SMURF1: variants seen among roughly 807,000 people sequenced by gnomAD.
SMURF1 encodes the protein E3 ubiquitin-protein ligase SMURF1.
SMURF1 carries 44 observed loss-of-function variants against 98.0 expected under a neutral mutation model. That is an observed-to-expected ratio of 0.45 (90% confidence interval 0.35 to 0.58). SMURF1 has a LOEUF of 0.58. SMURF1 is among the 20% of genes least tolerant of loss of function. The pLI, the probability that SMURF1 is intolerant of heterozygous loss-of-function variation, is 0.00. For missense variants in SMURF1, 687 were observed against 938.4 expected, an observed-to-expected ratio of 0.73 and a Z score of 3.50; for synonymous variants, 396 against 374.9, an observed-to-expected ratio of 1.06 and a Z score of -0.65.
At chr7:99,134,944 G>A (rs1044199238) in intron 1 of SMURF1, among the ~76,000 whole-genome samples, 9 of 152,122 alleles carry the variant, frequency 5.9e-5, no homozygotes, top group South Asian at 2.1e-4. Flanking sequence ...CAGGCAACTC[G>A]CTATTACATA....
At position 99,143,815 on chromosome 7, in the gene SMURF1, G is replaced by C. The variant is rs777548828; in HGVS notation, c.-35C>G. ...ACGATCGGGCAGCCGCGGATCCAGC[G>C]CCACCGCCCCCCAGCCCGGCCCGGC... On this transcript the variant is annotated 5_prime_UTR_variant, in exon 1 of 18. Coordinates refer to ENST00000361368, the MANE Select transcript of SMURF1 (RefSeq NM_181349.3). The C allele has an allele frequency of 3.4e-5, 51 of 1,494,376 alleles. No homozygotes were observed. Among genetic ancestry groups the C allele is most frequent in the Non-Finnish European group, 4.3e-5 (48 of 1,119,484 alleles). The allele number at this position is 1,494,376 out of a possible 1,614,324, so 92.6% of individuals were successfully genotyped here.
intron 1 of SMURF1, among the ~76,000 whole-genome samples, chr7:99,139,325 G>A (rs570366215): frequency 6.6e-6 from 1 of 152,224 alleles, no homozygotes; most frequent in African/African-American, 2.4e-5. Context: ...AAGTCTCTTT[G>A]TTCCTCTCTG....
chr7:99,070,774 C>G (rs1342779246), intron 1 of SMURF1, among the ~76,000 whole-genome samples: 1 of 151,914 alleles, frequency 6.6e-6, no homozygotes, highest in Non-Finnish European at 1.5e-5. Flanking sequence ...AGCGCTTGAT[C>G]AATGTTTGTT....
At chr7:99,038,925 G>A (rs376126523) in intron 13 of SMURF1, among the ~76,000 whole-genome samples, 13 of 152,036 alleles carry the variant, frequency 8.6e-5, no homozygotes, top group Non-Finnish European at 1.8e-4. Flanking sequence ...CAGGTACAGC[G>A]GCTTACACCT....
intron 2 of SMURF1, 79 bp downstream of exon 2, chr7:99,061,720 C>A: frequency 3.5e-6 from 4 of 1,146,062 alleles, no homozygotes; most frequent in Non-Finnish European, 5.0e-6. Context: ...GAGAATATAC[C>A]CAATCTTTTT....
chr7:99,080,038 AAAAG>A (rs1796547957), intron 1 of SMURF1, among the ~76,000 whole-genome samples: 2 of 152,166 alleles, frequency 1.3e-5, no homozygotes. Flanking sequence ...AAGCTCAAGA[AAAAG>A]AAAAAAGGCA....
At chr7:99,124,506 G>C (rs918107917) in intron 1 of SMURF1, among the ~76,000 whole-genome samples, 6 of 152,200 alleles carry the variant, frequency 3.9e-5, no homozygotes, top group Admixed American at 3.9e-4. Context: ...CGGCAGGGAA[G>C]GGAAAACGGG....
At chr7:99,056,940 TTG>T (rs1584465004) in intron 5 of SMURF1, among the ~76,000 whole-genome samples, 1 of 141,668 alleles carries the variant, frequency 7.1e-6, no homozygotes, top group East Asian at 2.0e-4. Flanking sequence ...GAGGCGGAGG[TTG>T]AGGTGAGCTG....
chr7:99,057,140 G>T, intron 5 of SMURF1, 65 bp downstream of exon 5: 3 of 1,571,114 alleles, frequency 1.9e-6, no homozygotes, highest in Admixed American at 1.7e-5. Flanking sequence ...GTGAGTTCTC[G>T]GCGATGAAGG....
At chr7:99,072,459 C>T (rs966991946) in intron 1 of SMURF1, among the ~76,000 whole-genome samples, 1 of 151,978 alleles carries the variant, frequency 6.6e-6, no homozygotes, top group African/African-American at 2.4e-5. Context: ...GCCTGACCAA[C>T]GCAGTGAAAC....
At chr7:99,045,951 A>G (rs771917980) in intron 10 of SMURF1, 150 bp from the exon 11 acceptor site, 2 of 629,398 alleles carry the variant, frequency 3.2e-6, no homozygotes, top group Non-Finnish European at 5.7e-6. Flanking sequence ...TTCGGCATCT[A>G]GTATATTCCA....
In SMURF1 at chr7:99,052,192, T is replaced by A; in HGVS notation, c.721+13A>T. 1 of 1,529,528 alleles carries A rather than the reference T, an allele frequency of 6.5e-7. No homozygotes were observed. Among genetic ancestry groups the A allele is most frequent in the Non-Finnish European group, 8.8e-7 (1 of 1,136,518 alleles). 94.7% of individuals were successfully genotyped at this position (1,529,528 alleles called of 1,614,324 possible). ...GCAGATGGCATTGGCCACAGCAGGATACATTCTCTCACCGTAGCCTTCGGG... is the reference window on the plus strand; with the variant it reads ...GCAGATGGCATTGGCCACAGCAGGAAACATTCTCTCACCGTAGCCTTCGGG... On this transcript the variant is annotated intron_variant, in intron 7 of 17. Coordinates refer to ENST00000361368, the MANE Select transcript of SMURF1 (RefSeq NM_181349.3).
At chr7:99,092,129 T>C (rs1049662212) in intron 1 of SMURF1, among the ~76,000 whole-genome samples, 7 of 152,220 alleles carry the variant, frequency 4.6e-5, no homozygotes, top group Non-Finnish European at 7.3e-5. Context: ...CAAATAAAGA[T>C]AGCTGCTATT....
chr7:99,142,134 T>C (rs1444882755), intron 1 of SMURF1, among the ~76,000 whole-genome samples: 1 of 152,132 alleles, frequency 6.6e-6, no homozygotes, highest in Non-Finnish European at 1.5e-5. Flanking sequence ...TGGCATCACA[T>C]CCGCGCCACC....
At chr7:99,091,042 G>A (rs1796798302) in intron 1 of SMURF1, among the ~76,000 whole-genome samples, 1 of 152,198 alleles carries the variant, frequency 6.6e-6, no homozygotes, top group Admixed American at 6.5e-5. Context: ...CAGCAGAGTT[G>A]AGTAGTTGTA....
chr7:99,138,791 C>T (rs1365479506), intron 1 of SMURF1, among the ~76,000 whole-genome samples: 1 of 152,128 alleles, frequency 6.6e-6, no homozygotes, highest in Non-Finnish European at 1.5e-5. Flanking sequence ...GATCAAATCA[C>T]AAAATCAATG....
At chr7:99,032,164 T>G (rs1225407122) in intron 17 of SMURF1, among the ~76,000 whole-genome samples, 1 of 152,212 alleles carries the variant, frequency 6.6e-6, no homozygotes, top group East Asian at 1.9e-4. Flanking sequence ...AGAGGAAGAC[T>G]TGAGCCTGCT....
In SMURF1 at chr7:99,052,166, G is replaced by T. The variant is rs765253874; in HGVS notation, c.721+39C>A. The T allele has an allele frequency of 2.3e-5, 34 of 1,484,518 alleles. No individual in the cohort carries two copies. In the East Asian group the frequency reaches 7.9e-4, roughly 35 times the overall value. 92.0% of individuals were successfully genotyped at this position (1,484,518 alleles called of 1,614,324 possible). A position where few individuals can be genotyped will look rare whatever the true frequency, so the allele number is the denominator to read the frequency against. On this transcript the variant is annotated intron_variant, in intron 7 of 17. Transcript: ENST00000361368. The stretch of plus-strand genomic sequence containing the variant: ...AAAAAAAGTCAACTCATGGAAACAG[G>T]GCAGATGGCATTGGCCACAGCAGGA...
Position 99,060,460 on chromosome 7 carries a change from T to G in SMURF1, c.203+139A>C. On this transcript the variant is annotated intron_variant, in intron 3 of 17. Coordinates refer to ENST00000361368, the MANE Select transcript of SMURF1 (RefSeq NM_181349.3). ...ACATGAATTCTAAAATTAGGCAATG[T>G]AGACATTCATTTGGCCATCCGCTTT... 5.6e-6 allele frequency: 3 copies of G among 537,586 alleles called. No individual in the cohort carries two copies. In the South Asian group the frequency reaches 8.5e-5, roughly 15 times the overall value. The allele number at this position is 537,586 out of a possible 1,614,324, so 33.3% of individuals were successfully genotyped here. A position where few individuals can be genotyped will look rare whatever the true frequency, so the allele number is the denominator to read the frequency against.
Sources: allele counts gnomAD v4.1 joint callset (sites outside exome capture counted in the v4.1 genomes callset), GRCh38; gene constraint gnomAD v4.1.1; transcripts MANE v1.5; gene names NCBI Gene and HGNC (gene_info 2026-07-23, HGNC 2026-07-21).